Variants in RFX3 observed in about 807,000 individuals in gnomAD.
RFX3 encodes regulatory factor X3.
Under a neutral mutation model 98.6 loss-of-function variants are expected in RFX3, and 14 were observed. The observed-to-expected ratio is 0.14, with a 90% CI of 0.09 to 0.22. The LOEUF is 0.22. Among genes scored for constraint, RFX3 ranks in the 10% least tolerant of loss-of-function variants. The pLI, the probability that RFX3 is intolerant of heterozygous loss-of-function variation, is 1.00. For missense variants in RFX3, 639 were observed against 926.9 expected, an observed-to-expected ratio of 0.69 and a Z score of 4.03; for synonymous variants, 383 against 328.4, an observed-to-expected ratio of 1.17 and a Z score of -1.80.
chr9:3,501,542 A>AT (rs927299024), intron 1 of RFX3, among the ~76,000 whole-genome samples: 2 of 135,316 alleles, frequency 1.5e-5, no homozygotes, highest in African/African-American at 5.6e-5. Context: ...AAAGATACAT[A>AT]TTTTTTTCCT....
At chr9:3,375,638 T>C (rs538725997) in intron 2 of RFX3, among the ~76,000 whole-genome samples, 1 of 152,318 alleles carries the variant, frequency 6.6e-6, no homozygotes, top group Admixed American at 6.5e-5. Flanking sequence ...CTTACACCTA[T>C]GTGAGTGTAT....
intron 3 of RFX3, among the ~76,000 whole-genome samples, chr9:3,339,018 G>A (rs1419363803): frequency 6.6e-6 from 1 of 152,022 alleles, no homozygotes; most frequent in Non-Finnish European, 1.5e-5. Flanking sequence ...GAACCTGGAA[G>A]GCAGAGGTTG....
chr9:3,362,382 C>G (rs183328760), intron 2 of RFX3, among the ~76,000 whole-genome samples: 1 of 152,320 alleles, frequency 6.6e-6, no homozygotes, highest in East Asian at 1.9e-4. Flanking sequence ...TAAATTCACT[C>G]ATTGCCCCTG....
chr9:3,446,792 A>G (rs1225461281), intron 1 of RFX3, among the ~76,000 whole-genome samples: 2 of 152,146 alleles, frequency 1.3e-5, no homozygotes, highest in African/African-American at 2.4e-5. Flanking sequence ...TTTATCATCT[A>G]TTCTCTCACA....
intron 9 of RFX3, among the ~76,000 whole-genome samples, chr9:3,271,561 C>CTCTT (rs3028225): frequency 0.15 from 15,994 of 105,178 alleles, 923 homozygotes; most frequent in Middle Eastern, 0.3. Flanking sequence ...CTTTCTCTCT[C>CTCTT]TCTTTCTTTC....
At chr9:3,400,964 T>TA (rs1483208817) in intron 1 of RFX3, among the ~76,000 whole-genome samples, 1 of 152,192 alleles carries the variant, frequency 6.6e-6, no homozygotes, top group African/African-American at 2.4e-5. Flanking sequence ...AACCAGTACA[T>TA]ACACTGCTTT....
intron 4 of RFX3, among the ~76,000 whole-genome samples, chr9:3,304,694 G>T (rs1034101653): frequency 5.9e-5 from 9 of 151,948 alleles, no homozygotes; most frequent in Non-Finnish European, 1.3e-4. Flanking sequence ...TCTCTTGCCT[G>T]CTGCCATGTA....
intron 3 of RFX3, among the ~76,000 whole-genome samples, chr9:3,341,090 T>A (rs1328444866): frequency 6.6e-6 from 1 of 152,176 alleles, no homozygotes; most frequent in Non-Finnish European, 1.5e-5. Context: ...AATGATGAGT[T>A]CATGTCCTTT....
chr9:3,441,431 C>T (rs1204296423), intron 1 of RFX3, among the ~76,000 whole-genome samples: 1 of 152,030 alleles, frequency 6.6e-6, no homozygotes, highest in Non-Finnish European at 1.5e-5. Context: ...TATCCAGTGT[C>T]CAGGTCTTAA....
intron 2 of RFX3, among the ~76,000 whole-genome samples, chr9:3,377,989 A>G: frequency 6.6e-6 from 1 of 152,346 alleles, no homozygotes; most frequent in Admixed American, 6.5e-5. Context: ...ACACTTTACA[A>G]AACATACAAA....
At chr9:3,281,423 T>C (rs535494734) in intron 7 of RFX3, among the ~76,000 whole-genome samples, 4 of 151,808 alleles carry the variant, frequency 2.6e-5, no homozygotes, top group African/African-American at 7.2e-5. Context: ...CTTTTTAATA[T>C]TTAAGAGTAT....
chr9:3,413,921 A>T (rs1235345792), intron 1 of RFX3, among the ~76,000 whole-genome samples: 1 of 152,120 alleles, frequency 6.6e-6, no homozygotes, highest in Non-Finnish European at 1.5e-5. Context: ...AGTGTTTGGT[A>T]CTTAGAAATT....
At chr9:3,390,277 A>G (rs1488863961) in intron 2 of RFX3, among the ~76,000 whole-genome samples, 1 of 152,190 alleles carries the variant, frequency 6.6e-6, no homozygotes, top group Non-Finnish European at 1.5e-5. Flanking sequence ...TGTTGAAAAG[A>G]TACCCCAAAA....
chr9:3,486,006 T>A (rs1850237038), intron 1 of RFX3, among the ~76,000 whole-genome samples: 1 of 151,408 alleles, frequency 6.6e-6, no homozygotes, highest in Non-Finnish European at 1.5e-5. Context: ...TTGCCTGTAA[T>A]CCCAGCTACT....
Position 3,370,131 on chromosome 9 carries a change from A to G in RFX3, c.118-23367T>C, listed in dbSNP as rs376743481. ...GCTGGGATTACAGGCTTGAGCCACC[A>G]CGCCCAGCCCAGAGCAGTTTTTTTA... On this transcript the variant is annotated intron_variant, in intron 2 of 16. Transcript: ENST00000617270. Among the ~76,000 whole-genome samples the G allele has an allele frequency of 1.8e-3, 260 of 147,882 alleles. 1 individual carries two copies. The highest frequency in any genetic ancestry group is 5.6e-3 in the African/African-American group (226 of 40,104).
At chr9:3,380,330 A>G (rs1839046267) in intron 2 of RFX3, among the ~76,000 whole-genome samples, 1 of 152,102 alleles carries the variant, frequency 6.6e-6, no homozygotes, top group Non-Finnish European at 1.5e-5. Flanking sequence ...TCCTCCTCCC[A>G]CCAACTGACT....
Position 3,269,067 on chromosome 9 carries a change from C to G in RFX3, c.1357+1304G>C, listed in dbSNP as rs998052549. On this transcript the variant is annotated intron_variant, in intron 11 of 16. Transcript: ENST00000617270. The stretch of plus-strand genomic sequence containing the variant: ...TCAGTAGAGAATTTAGCTAGTGAAA[C>G]TTTCTAAAACATCACTTTTAATCAA... 7.9e-5 allele frequency among the ~76,000 whole-genome samples: 12 copies of G among 151,932 alleles called. 1 individual carries two copies. The highest frequency in any genetic ancestry group is 5.9e-4 in the Admixed American group (9 of 15,228).
At chr9:3,240,227 T>C (rs1819738024) in intron 15 of RFX3, among the ~76,000 whole-genome samples, 1 of 152,212 alleles carries the variant, frequency 6.6e-6, no homozygotes, top group Non-Finnish European at 1.5e-5. Context: ...ATAGAACAGA[T>C]TTTATTTATA....
chr9:3,270,612 A>G (rs1380603225), intron 10 of RFX3, 87 bp from the exon 11 acceptor site: 2 of 1,334,330 alleles, frequency 1.5e-6, no homozygotes, highest in South Asian at 1.3e-5. Context: ...AGTTTACCAA[A>G]TATTACTGAG....
Sources: gnomAD v4.1 joint callset for allele counts (sites outside exome capture counted in the v4.1 genomes callset) on GRCh38, gnomAD v4.1.1 for gene constraint, MANE v1.5 for transcripts, NCBI Gene and HGNC (gene_info 2026-07-23, HGNC 2026-07-21) for gene names.